Variants in CSMD1 observed in about 807,000 individuals in gnomAD.
CSMD1 encodes the protein CUB and Sushi multiple domains 1.
Under a neutral mutation model 417.5 loss-of-function variants are expected in CSMD1, and 213 were observed. The ratio of observed to expected loss-of-function variants is 0.51; its 90% CI spans 0.46 to 0.57. CSMD1 has a LOEUF of 0.57. Among genes scored for constraint, CSMD1 ranks in the 20% least tolerant of loss-of-function variants. The pLI is 0.00. For synonymous variants in CSMD1, 2,862 were observed against 1,736.8 expected (o/e 1.65, Z -16.11); for missense variants, 6,923 against 4,529.7 (o/e 1.53, Z -15.17).
At chr8:4,320,148 A>T (rs1248502428) in intron 3 of CSMD1, among the ~76,000 whole-genome samples, 2 of 152,196 alleles carry the variant, frequency 1.3e-5, no homozygotes, top group East Asian at 3.9e-4. Context: ...ACAAAGCACA[A>T]AACTTTATTT....
chr8:3,711,079 G>A (rs898119426), intron 6 of CSMD1, among the ~76,000 whole-genome samples: 7 of 152,264 alleles, frequency 4.6e-5, no homozygotes, highest in African/African-American at 1.7e-4. Flanking sequence ...TATAGCAAAT[G>A]TTTGCTATAT....
chr8:3,234,037 C>G (rs1563168036), intron 26 of CSMD1, among the ~76,000 whole-genome samples: 1 of 152,080 alleles, frequency 6.6e-6, no homozygotes, highest in South Asian at 2.1e-4. Context: ...CTTTGGTGTT[C>G]CAGCTATACA....
chr8:4,177,117 C>T (rs936015641), intron 3 of CSMD1, among the ~76,000 whole-genome samples: 1 of 152,154 alleles, frequency 6.6e-6, no homozygotes, highest in African/African-American at 2.4e-5. Flanking sequence ...CCCAAATCAA[C>T]AGAATATACA....
chr8:4,037,440 T>A (rs576671315), intron 3 of CSMD1, among the ~76,000 whole-genome samples: 112 of 152,298 alleles, frequency 7.4e-4, no homozygotes, highest in Non-Finnish European at 1.4e-3. Flanking sequence ...TTCTGGGGCA[T>A]CTTAGACCAT....
chr8:3,318,009 C>T (rs192238760), intron 23 of CSMD1, among the ~76,000 whole-genome samples: 1 of 152,150 alleles, frequency 6.6e-6, no homozygotes, highest in South Asian at 2.1e-4. Flanking sequence ...CAGGGTTTCC[C>T]CGGCTGGGCT....
At chr8:4,118,666 T>C (rs191531172) in intron 3 of CSMD1, among the ~76,000 whole-genome samples, 185 of 152,284 alleles carry the variant, frequency 1.2e-3, no homozygotes, top group African/African-American at 4.3e-3. Context: ...AGTTCAACCA[T>C]TGTGGAAGAC....
At chr8:4,934,760 C>T (rs901327559) in intron 1 of CSMD1, among the ~76,000 whole-genome samples, 1 of 152,138 alleles carries the variant, frequency 6.6e-6, no homozygotes, top group Non-Finnish European at 1.5e-5. Context: ...TATCTACCTA[C>T]CTATACTATA....
At chr8:4,463,227 A>G (rs1217666) in intron 2 of CSMD1, among the ~76,000 whole-genome samples, 2 of 151,966 alleles carry the variant, frequency 1.3e-5, no homozygotes, top group East Asian at 3.9e-4. Context: ...CAAATCAAAG[A>G]CGTACTGAGA....
chr8:3,744,776 A>G (rs1271681729), intron 6 of CSMD1, among the ~76,000 whole-genome samples: 2 of 151,858 alleles, frequency 1.3e-5, no homozygotes, highest in Non-Finnish European at 2.9e-5. Context: ...GACTTGGTGT[A>G]TATTTCTCTA....
chr8:3,367,291 C>T (rs890573709), intron 19 of CSMD1, 44 bp from the exon 20 acceptor site: 1 of 1,417,576 alleles, frequency 7.1e-7, no homozygotes, highest in Non-Finnish European at 9.8e-7. Context: ...CAGAGAGAGA[C>T]ACACGGGGCG....
At chr8:4,712,848 A>G (rs1018135681) in intron 1 of CSMD1, among the ~76,000 whole-genome samples, 2 of 152,230 alleles carry the variant, frequency 1.3e-5, no homozygotes, top group African/African-American at 4.8e-5. Context: ...AGAGAGGTCT[A>G]ATCTGGATAT....
At chr8:3,190,973 G>T (rs1005288104) in intron 33 of CSMD1, among the ~76,000 whole-genome samples, 2 of 152,190 alleles carry the variant, frequency 1.3e-5, no homozygotes, top group Non-Finnish European at 2.9e-5. Context: ...TGGGGAACAG[G>T]AAAATGGGAA....
intron 3 of CSMD1, among the ~76,000 whole-genome samples, chr8:4,206,176 T>G (rs557589140): frequency 1.3e-5 from 2 of 152,178 alleles, no homozygotes; most frequent in Admixed American, 6.5e-5. Context: ...TGGAAATACA[T>G]GCTGAAAAAT....
intron 10 of CSMD1, among the ~76,000 whole-genome samples, chr8:3,567,970 G>A (rs1208686196): frequency 6.6e-6 from 1 of 152,150 alleles, no homozygotes; most frequent in Non-Finnish European, 1.5e-5. Flanking sequence ...TGACTGTGCA[G>A]GCATCCAGCA....
chr8:4,396,880 G>T (rs1007322647), intron 3 of CSMD1, among the ~76,000 whole-genome samples: 1 of 152,096 alleles, frequency 6.6e-6, no homozygotes, highest in African/African-American at 2.4e-5. Context: ...GGACTAGGGG[G>T]AAAGGGTGGG....
chr8:4,608,610 G>A (rs961883666), intron 2 of CSMD1, among the ~76,000 whole-genome samples: 5 of 152,160 alleles, frequency 3.3e-5, no homozygotes, highest in Admixed American at 6.5e-5. Context: ...CTACAAATGC[G>A]TCATTTTCGC....
chr8:3,657,393 T>TAA (rs1798183389), intron 7 of CSMD1, among the ~76,000 whole-genome samples: 1 of 151,902 alleles, frequency 6.6e-6, no homozygotes, highest in Admixed American at 6.6e-5. Flanking sequence ...CTGTATGGTA[T>TAA]CAAAGGTCTC....
chr8:3,206,648 G>C (rs368742598), intron 30 of CSMD1, among the ~76,000 whole-genome samples: 1 of 141,384 alleles, frequency 7.1e-6, no homozygotes, highest in African/African-American at 2.7e-5. Flanking sequence ...GTGTGTGTGG[G>C]TGTATGTGTG....
rs142144599 is a variant in CSMD1 at position 4,170,923 on chromosome 8, G to A, written c.416-138824C>T. Among the ~76,000 whole-genome samples, 141 of 151,874 alleles carry A rather than the reference G, an allele frequency of 9.3e-4. 1 individual carries two copies. The South Asian group carries it at 0.011, about 12-fold the overall frequency. ...ACTTTTCCCATTCACTTATTCCAAT[G>A]CCTGTACAAGCTGTGTTACGCAAAT... On this transcript the variant is annotated intron_variant, in intron 3 of 69. Transcript: ENST00000635120.
Sources: allele counts gnomAD v4.1 joint callset (sites outside exome capture counted in the v4.1 genomes callset), GRCh38; gene constraint gnomAD v4.1.1; transcripts MANE v1.5; gene names NCBI Gene and HGNC (gene_info 2026-07-23, HGNC 2026-07-21).